ZNF320: variants seen among roughly 807,000 people sequenced by gnomAD.
The protein encoded by ZNF320 is zinc finger protein 320, also known as zinc finger gene 320.
In ZNF320, 2 loss-of-function variants were observed where a neutral mutation model predicts 6.8. That is an observed-to-expected ratio of 0.29 (90% CI 0.12 to 0.93). The LOEUF is 0.93. Among genes scored for constraint, ZNF320 ranks in the 40% least tolerant of loss-of-function variants. The probability of loss-of-function intolerance (pLI) is 0.55; values close to 1 mark genes in which losing one functional copy is unlikely to be tolerated. For synonymous variants in ZNF320, 208 were observed against 203.2 expected, an observed-to-expected ratio of 1.02 and a Z score of -0.20; for missense variants, 472 against 611.0, an observed-to-expected ratio of 0.77 and a Z score of 2.40.
downstream of ZNF320, among the ~76,000 whole-genome samples, chr19:52,875,599 G>C (rs527318388): frequency 6.6e-6 from 1 of 152,232 alleles, no homozygotes; most frequent in South Asian, 2.1e-4. Context: ...TCAGGGCTCA[G>C]TGAAATTCCA....
exon 6 of ZNF320, chr19:52,862,645 G>A: frequency 1.7e-6 from 1 of 590,084 alleles, no homozygotes; most frequent in Non-Finnish European, 2.9e-6. Flanking sequence ...TCACCCTAAA[G>A]GCTTTGCCAC....
chr19:52,862,298 T>A, exon 6 of ZNF320: 1 of 587,634 alleles, frequency 1.7e-6, no homozygotes, highest in Non-Finnish European at 3.1e-6. Flanking sequence ...TTCTAGTATG[T>A]CCTGCAAGGT....
Position 52,881,773 on chromosome 19 carries a change from T to A in ZNF320, c.353A>T (p.Lys118Met). 1 of 1,613,886 alleles carries A rather than the reference T, an allele frequency of 6.2e-7. No homozygotes were observed. The highest frequency in any genetic ancestry group is 1.1e-5 in the South Asian group (1 of 91,054). Residue 118 changes from lysine to methionine, a missense_variant, in exon 6 of 6, where the codon AAG (lysine) becomes ATG (methionine). By Grantham distance (95) the Lys-to-Met change is moderately conservative. Coordinates refer to ENST00000682928, the MANE Select transcript of ZNF320 (RefSeq NM_001351774.2). ...ATATCGGTCTGTACTACTAGTCAACTTTTTTATTTCTGTCATGGGTGCTTC... is the reference window on the plus strand; with the variant it reads ...ATATCGGTCTGTACTACTAGTCAACATTTTTATTTCTGTCATGGGTGCTTC... The part of the protein sequence containing the change: ...DHEAPMTEIK[K>M]LTSSTDRYDQ...
exon 6 of ZNF320, chr19:52,861,991 C>A (rs2063489272): frequency 2.7e-6 from 1 of 368,514 alleles, no homozygotes. Context: ...GAAGACCTTG[C>A]CTCAATCATG....
At chr19:52,884,560 A>G (rs1386050067) in intron 5 of ZNF320, among the ~76,000 whole-genome samples, 3 of 152,002 alleles carry the variant, frequency 2.0e-5, no homozygotes, top group African/African-American at 7.2e-5. Flanking sequence ...TCAAGTGATC[A>G]ACCTGTCTCA....
At chr19:52,865,470 T>TATATATGTAA (rs1414636050) in intron 5 of ZNF320, 19 of 40,344 alleles carry the variant, frequency 4.7e-4, no homozygotes, top group African/African-American at 1.9e-3. Context: ...TATATATATA[T>TATATATGTAA]TACATATATA....
chr19:52,889,182 C>CAA (rs34698145), intron 4 of ZNF320, among the ~76,000 whole-genome samples: 1 of 133,796 alleles, frequency 7.5e-6, no homozygotes, highest in Non-Finnish European at 1.6e-5. Context: ...CACTCCGTCT[C>CAA]AAAAAAAAAA....
At chr19:52,861,032 A>C (rs183140724) in exon 6 of ZNF320, among the ~76,000 whole-genome samples, 1 of 151,294 alleles carries the variant, frequency 6.6e-6, no homozygotes, top group African/African-American at 2.5e-5. Context: ...AACAAACAAA[A>C]CAAAAACGAA....
chr19:52,873,466 T>G (rs1480740635), downstream of ZNF320, among the ~76,000 whole-genome samples: 2 of 152,232 alleles, frequency 1.3e-5, no homozygotes, highest in Non-Finnish European at 1.5e-5. Context: ...ACACAGCACA[T>G]GTTTCTGTGA....
intron 5 of ZNF320, chr19:52,883,628 G>A (rs768680959): frequency 1.5e-5 from 7 of 455,240 alleles, no homozygotes; most frequent in African/African-American, 2.0e-5. Context: ...GGCCGGCCAC[G>A]GTGGCACATA....
intron 5 of ZNF320, among the ~76,000 whole-genome samples, chr19:52,869,447 G>T (rs1402185843): frequency 6.6e-6 from 1 of 152,172 alleles, no homozygotes; most frequent in Non-Finnish European, 1.5e-5. Context: ...AGAATTCCCT[G>T]GCTGAGTAGG....
intron 5 of ZNF320, among the ~76,000 whole-genome samples, chr19:52,885,435 G>A (rs1008735165): frequency 1.1e-4 from 17 of 151,888 alleles, no homozygotes; most frequent in Admixed American, 2.6e-4. Flanking sequence ...TACAAAATTA[G>A]GCCAGGCGTG....
At position 52,880,836 on chromosome 19, in the gene ZNF320, T is replaced by C. The variant is rs1301557704; in HGVS notation, c.1290A>G (p.Arg430=). ...KVYIRKSHLE[R]HRRIHTGEKP... is the part of the protein sequence containing the mutation. The stretch of plus-strand genomic sequence containing the variant: ...TCTCTCCTGTATGAATCCTCCTATG[T>C]CTTTCAAGGTGTGATTTGCGAATGT... Residue 430 remains arginine, a synonymous_variant, in exon 6 of 6, where the codon AGA becomes AGG. Transcript: ENST00000682928. 6.8e-6 allele frequency: 11 copies of C among 1,613,986 alleles called. 1 individual carries two copies. Among genetic ancestry groups the C allele is most frequent in the Admixed American group, 1.7e-5 (1 of 60,020 alleles).
In ZNF320 at chr19:52,877,499, T is replaced by C. The variant is rs2063796204; in HGVS notation, c.*3097A>G. On this transcript the variant is annotated 3_prime_UTR_variant, in exon 6 of 6. Transcript: ENST00000682928. ...GCAAGGGAAGCAATCAGATAGACAT[T>C]TGACTCAGGTGTGCAGAGGGATGGG... 1 of 152,150 alleles carries C rather than the reference T, an allele frequency of 6.6e-6. No homozygotes were observed. The highest frequency in any genetic ancestry group is 6.5e-5 in the Admixed American group (1 of 15,270). The allele number at this position is 152,150 out of a possible 1,614,324, so 9.4% of individuals were successfully genotyped here. A position where few individuals can be genotyped will look rare whatever the true frequency, so the allele number is the denominator to read the frequency against.
intron 5 of ZNF320, among the ~76,000 whole-genome samples, chr19:52,866,013 ATAT>A (rs1242534692): frequency 1.3e-5 from 1 of 77,032 alleles, no homozygotes; most frequent in Non-Finnish European, 2.5e-5. Context: ...ATATATTTAT[ATAT>A]TATACATATT....
At chr19:52,867,439 A>G (rs2063597456) in intron 5 of ZNF320, among the ~76,000 whole-genome samples, 2 of 151,428 alleles carry the variant, frequency 1.3e-5, no homozygotes, top group Admixed American at 6.6e-5. Context: ...CTCATGATCC[A>G]CTTGCCTTGG....
intron 5 of ZNF320, among the ~76,000 whole-genome samples, chr19:52,865,645 AT>A (rs1181808034): frequency 3.1e-5 from 4 of 128,226 alleles, no homozygotes; most frequent in Admixed American, 2.5e-4. Flanking sequence ...ATACATATAT[AT>A]TTATATATGA....
At chr19:52,899,544 G>A (rs747573672), upstream of ZNF320, among the ~76,000 whole-genome samples, 1 of 152,068 alleles carries the variant, frequency 6.6e-6, no homozygotes, top group Admixed American at 6.6e-5. Context: ...CTCACTGCAA[G>A]CTCCACCTCC....
chr19:52,900,634 G>A (rs796480312), upstream of ZNF320, among the ~76,000 whole-genome samples: 11 of 152,154 alleles, frequency 7.2e-5, no homozygotes, highest in African/African-American at 2.7e-4. Flanking sequence ...GTTCTGGAGA[G>A]CATTTTTCAA....
Sources: allele counts gnomAD v4.1 joint callset (sites outside exome capture counted in the v4.1 genomes callset), GRCh38; gene constraint gnomAD v4.1.1; transcripts MANE v1.5; gene names NCBI Gene and HGNC (gene_info 2026-07-23, HGNC 2026-07-21).